PLD5: variants seen among roughly 807,000 people sequenced by gnomAD.
PLD5 encodes phospholipase D family member 5, also known as inactive phospholipase D5.
A neutral mutation model predicts 61.1 loss-of-function variants in PLD5; 36 were observed. That is an observed-to-expected ratio of 0.59 (90% CI 0.45 to 0.78). PLD5 has a LOEUF of 0.78. Among genes scored for constraint, PLD5 ranks in the 30% least tolerant of loss-of-function variants. The probability of loss-of-function intolerance (pLI) is 0.00; values close to 1 mark genes in which losing one functional copy is unlikely to be tolerated. For synonymous variants in PLD5, 243 were observed against 242.8 expected, an observed-to-expected ratio of 1.00 and a Z score of -0.01; for missense variants, 515 against 644.4, an observed-to-expected ratio of 0.80 and a Z score of 2.17.
intron 3 of PLD5, among the ~76,000 whole-genome samples, chr1:242,276,726 G>A (rs1322128133): frequency 6.6e-6 from 1 of 151,824 alleles, no homozygotes; most frequent in Non-Finnish European, 1.5e-5. Context: ...TTGATTGACA[G>A]TACTCATTTT....
At chr1:242,183,227 T>C (rs1667633694) in intron 5 of PLD5, among the ~76,000 whole-genome samples, 2 of 152,218 alleles carry the variant, frequency 1.3e-5, no homozygotes, top group Non-Finnish European at 2.9e-5. Flanking sequence ...TGGTGATAAA[T>C]GGTAGCATGC....
intron 5 of PLD5, among the ~76,000 whole-genome samples, chr1:242,141,068 C>T (rs898252224): frequency 4.3e-4 from 66 of 152,196 alleles, no homozygotes; most frequent in African/African-American, 1.6e-3. Flanking sequence ...GGGTGAGGAG[C>T]TGCCCTGTGT....
intron 1 of PLD5, among the ~76,000 whole-genome samples, chr1:242,482,885 G>C (rs1378278100): frequency 6.6e-6 from 1 of 152,246 alleles, no homozygotes; most frequent in Non-Finnish European, 1.5e-5. Flanking sequence ...CAAGCCAGAA[G>C]AGAGTGGGGG....
chr1:242,223,948 C>G (rs1228792759), intron 4 of PLD5, among the ~76,000 whole-genome samples: 1 of 151,792 alleles, frequency 6.6e-6, no homozygotes, highest in Non-Finnish European at 1.5e-5. Flanking sequence ...TTTATGTGCA[C>G]TTTTAGAATA....
At chr1:242,243,882 C>T (rs72763019) in intron 4 of PLD5, among the ~76,000 whole-genome samples, 1 of 152,262 alleles carries the variant, frequency 6.6e-6, no homozygotes, top group Non-Finnish European at 1.5e-5. Flanking sequence ...TTTCACATTC[C>T]ATGTACTTTT....
intron 2 of PLD5, among the ~76,000 whole-genome samples, chr1:242,298,525 G>A (rs1280237072): frequency 6.6e-6 from 1 of 152,198 alleles, no homozygotes; most frequent in African/African-American, 2.4e-5. Context: ...GAGCTTGTGT[G>A]TTTGACAAAG....
intron 4 of PLD5, among the ~76,000 whole-genome samples, chr1:242,240,213 C>G (rs531414928): frequency 6.6e-6 from 1 of 152,290 alleles, no homozygotes; most frequent in African/African-American, 2.4e-5. Context: ...CTTGGCAGCT[C>G]CATTTACTCC....
chr1:242,486,970 C>T lies in PLD5; in HGVS notation c.189+37118G>A, dbSNP rs542775842. 2.3e-3 allele frequency among the ~76,000 whole-genome samples: 350 copies of T among 152,130 alleles called. 2 individuals are homozygous for T. The highest frequency in any genetic ancestry group is 8.1e-3 in the African/African-American group (337 of 41,526). ...GCAAACTATCACAAGGACAGAAAAC[C>T]AAACACTGCATGTTCTCACTCATAG... On this transcript the variant is annotated intron_variant, in intron 1 of 9. Transcript: ENST00000536534.
chr1:242,278,224 A>C (rs1310721604), intron 3 of PLD5, among the ~76,000 whole-genome samples: 5 of 152,202 alleles, frequency 3.3e-5, no homozygotes, highest in Admixed American at 3.3e-4. Flanking sequence ...GGTCATAGAA[A>C]AATAGGAAAA....
chr1:242,401,055 G>A (rs1414239948), intron 1 of PLD5, among the ~76,000 whole-genome samples: 1 of 152,046 alleles, frequency 6.6e-6, no homozygotes, highest in African/African-American at 2.4e-5. Flanking sequence ...AAACACATGG[G>A]CAAAGCACCA....
At chr1:242,375,040 C>T (rs942397183) in intron 1 of PLD5, among the ~76,000 whole-genome samples, 1 of 152,182 alleles carries the variant, frequency 6.6e-6, no homozygotes, top group Non-Finnish European at 1.5e-5. Flanking sequence ...GTTTACAATG[C>T]CATTTTGCAC....
intron 2 of PLD5, among the ~76,000 whole-genome samples, chr1:242,309,809 G>A (rs1676591122): frequency 6.7e-6 from 1 of 149,854 alleles, no homozygotes; most frequent in Non-Finnish European, 1.5e-5. Context: ...TTTTATAATT[G>A]CTCAATATAG....
At chr1:242,100,851 A>T (rs546468414) in intron 8 of PLD5, 69 bp from the exon 9 acceptor site, 1 of 1,018,132 alleles carries the variant, frequency 9.8e-7, no homozygotes, top group Admixed American at 2.0e-5. Context: ...AGAGCACAAA[A>T]GAATGCATTA....
At chr1:242,097,519 C>A (rs1169333620) in intron 9 of PLD5, among the ~76,000 whole-genome samples, 1 of 152,168 alleles carries the variant, frequency 6.6e-6, no homozygotes, top group African/African-American at 2.4e-5. Flanking sequence ...AGCATTTTTT[C>A]ATGTGTCTTT....
chr1:242,100,490 T>C (rs958683222), intron 9 of PLD5, among the ~76,000 whole-genome samples, 178 bp downstream of exon 9: 1 of 152,204 alleles, frequency 6.6e-6, no homozygotes, highest in Non-Finnish European at 1.5e-5. Context: ...ATGGAAGAGA[T>C]ATTTGAATGA....
At chr1:242,496,630 AT>A (rs1159637200) in intron 1 of PLD5, among the ~76,000 whole-genome samples, 4 of 152,050 alleles carry the variant, frequency 2.6e-5, no homozygotes, top group South Asian at 2.1e-4. Context: ...ATTCTCTTTC[AT>A]TTTTTTTCAT....
intron 5 of PLD5, among the ~76,000 whole-genome samples, chr1:242,128,170 A>G (rs1478880177): frequency 6.6e-6 from 1 of 152,078 alleles, no homozygotes; most frequent in Non-Finnish European, 1.5e-5. Flanking sequence ...CTTGGTGTGG[A>G]GGCACAAATC....
chr1:242,141,243 A>G (rs1664140008), intron 5 of PLD5, among the ~76,000 whole-genome samples: 2 of 152,112 alleles, frequency 1.3e-5, no homozygotes, highest in East Asian at 3.9e-4. Flanking sequence ...TGGAATTACA[A>G]TCCTGCAGGG....
intron 5 of PLD5, among the ~76,000 whole-genome samples, chr1:242,211,387 G>C (rs2148984571): frequency 6.6e-6 from 1 of 152,318 alleles, no homozygotes; most frequent in East Asian, 1.9e-4. Flanking sequence ...TAAATAGCTT[G>C]TTTACTCATG....
Sources: gnomAD v4.1 joint callset for allele counts (sites outside exome capture counted in the v4.1 genomes callset) on GRCh38, gnomAD v4.1.1 for gene constraint, MANE v1.5 for transcripts, NCBI Gene and HGNC (gene_info 2026-07-23, HGNC 2026-07-21) for gene names.